Variants in HS6ST3 observed in about 807,000 individuals in gnomAD.
The protein encoded by HS6ST3 is heparan-sulfate 6-O-sulfotransferase 3.
HS6ST3 carries 12 observed loss-of-function variants against 36.7 expected under a neutral mutation model. The ratio of observed to expected loss-of-function variants is 0.33; its 90% confidence interval spans 0.21 to 0.53. The LOEUF is 0.53. Among genes scored for constraint, HS6ST3 ranks in the 20% least tolerant of loss-of-function variants. HS6ST3 has a pLI of 0.95. For synonymous variants in HS6ST3, 240 were observed against 257.5 expected, an observed-to-expected ratio of 0.93 and a Z score of 0.65; for missense variants, 584 against 640.9, an observed-to-expected ratio of 0.91 and a Z score of 0.96.
chr13:96,427,976 G>A (rs1013836334), intron 1 of HS6ST3, among the ~76,000 whole-genome samples: 1 of 152,126 alleles, frequency 6.6e-6, no homozygotes, highest in Non-Finnish European at 1.5e-5. Context: ...TAGAAGTAAT[G>A]TACCCTTTTC....
At chr13:96,774,710 G>A (rs1169000252) in intron 1 of HS6ST3, among the ~76,000 whole-genome samples, 2 of 152,196 alleles carry the variant, frequency 1.3e-5, no homozygotes, top group South Asian at 2.1e-4. Flanking sequence ...GTTTGATTGG[G>A]GTACCTGAAA....
At chr13:96,480,800 C>T (rs2055886861) in intron 1 of HS6ST3, among the ~76,000 whole-genome samples, 1 of 152,156 alleles carries the variant, frequency 6.6e-6, no homozygotes, top group Non-Finnish European at 1.5e-5. Flanking sequence ...CCCCAGCAAT[C>T]CACAGTCTTT....
intron 1 of HS6ST3, among the ~76,000 whole-genome samples, chr13:96,652,822 G>T (rs1274653445): frequency 6.6e-6 from 1 of 151,990 alleles, no homozygotes; most frequent in African/African-American, 2.4e-5. Context: ...AACTTAAAAA[G>T]GTGGTGCTGG....
chr13:96,571,672 C>T (rs2056301525), intron 1 of HS6ST3, among the ~76,000 whole-genome samples: 1 of 152,256 alleles, frequency 6.6e-6, no homozygotes, highest in Non-Finnish European at 1.5e-5. Flanking sequence ...GAGTCTAGGT[C>T]TTAGTCATGT....
chr13:96,488,934 C>A (rs191061733), intron 1 of HS6ST3, among the ~76,000 whole-genome samples: 1 of 151,674 alleles, frequency 6.6e-6, no homozygotes, highest in East Asian at 1.9e-4. Context: ...AAAAAATTGT[C>A]AAGAATGTAC....
At chr13:96,137,130 GC>G (rs770770478) in intron 1 of HS6ST3, among the ~76,000 whole-genome samples, 30 of 151,678 alleles carry the variant, frequency 2.0e-4, no homozygotes, top group Admixed American at 5.3e-4. Flanking sequence ...GTTCTTTCAT[GC>G]CCCCTTTTAA....
At chr13:96,159,493 C>T (rs968221275) in intron 1 of HS6ST3, among the ~76,000 whole-genome samples, 4 of 152,116 alleles carry the variant, frequency 2.6e-5, no homozygotes, top group Non-Finnish European at 4.4e-5. Flanking sequence ...GAGAGAATTC[C>T]GGGTCACATC....
chr13:96,727,037 T>C (rs1192224131), intron 1 of HS6ST3, among the ~76,000 whole-genome samples: 3 of 152,346 alleles, frequency 2.0e-5, no homozygotes, highest in East Asian at 1.9e-4. Context: ...TTAAGTTTTA[T>C]ACCCACTTCT....
chr13:96,197,003 C>G (rs1305707635), intron 1 of HS6ST3, among the ~76,000 whole-genome samples: 1 of 152,204 alleles, frequency 6.6e-6, no homozygotes, highest in East Asian at 1.9e-4. Flanking sequence ...CATTCTTTCT[C>G]TGTGTGACCT....
At chr13:96,239,928 G>T (rs1566298210) in intron 1 of HS6ST3, among the ~76,000 whole-genome samples, 1 of 152,106 alleles carries the variant, frequency 6.6e-6, no homozygotes, top group African/African-American at 2.4e-5. Context: ...TAATGCAATA[G>T]AAAAGCAAAC....
chr13:96,474,463 C>T (rs1295305326), intron 1 of HS6ST3, among the ~76,000 whole-genome samples: 1 of 152,200 alleles, frequency 6.6e-6, no homozygotes, highest in African/African-American at 2.4e-5. Flanking sequence ...CCTGGGAAGA[C>T]AGCAGTGCTA....
At position 96,254,495 on chromosome 13, in the gene HS6ST3, AT is replaced by A. The variant is rs2054626966; in HGVS notation, c.707+162927del. Among the ~76,000 whole-genome samples, 3 of 27,256 alleles carry A rather than the reference AT, an allele frequency of 1.1e-4. 1 individual carries two copies. Among genetic ancestry groups the A allele is most frequent in the Non-Finnish European group, 1.6e-4 (2 of 12,808 alleles). 17.9% of individuals were successfully genotyped at this position (27,256 alleles called of 152,430 possible). A position where few individuals can be genotyped will look rare whatever the true frequency, so the allele number is the denominator to read the frequency against. On this transcript the variant is annotated intron_variant, in intron 1 of 1. Coordinates refer to ENST00000376705, the MANE Select transcript of HS6ST3 (RefSeq NM_153456.4). ...TATATATATATATATATATATATAT[AT>A]ATACACATACATACACACACACACT... is the stretch of plus-strand genomic sequence containing the variant.
chr13:96,209,160 G>A (rs1231688646), intron 1 of HS6ST3, among the ~76,000 whole-genome samples: 1 of 152,192 alleles, frequency 6.6e-6, no homozygotes, highest in Non-Finnish European at 1.5e-5. Flanking sequence ...TAATATAGAT[G>A]GAAAGATGGA....
chr13:96,357,705 G>T (rs1056569771), intron 1 of HS6ST3, among the ~76,000 whole-genome samples: 2 of 152,068 alleles, frequency 1.3e-5, no homozygotes, highest in Admixed American at 1.3e-4. Flanking sequence ...TGGGACTACA[G>T]GTTACAGGTT....
chr13:96,410,559 C>T (rs944482270), intron 1 of HS6ST3, among the ~76,000 whole-genome samples: 1 of 151,738 alleles, frequency 6.6e-6, no homozygotes, highest in Non-Finnish European at 1.5e-5. Context: ...GTGCTACCCC[C>T]AAGAGTGAAA....
chr13:96,263,214 A>G (rs2054675010), intron 1 of HS6ST3, among the ~76,000 whole-genome samples: 1 of 151,168 alleles, frequency 6.6e-6, no homozygotes, highest in African/African-American at 2.4e-5. Context: ...GTGACATGTC[A>G]CTTATCTTTA....
chr13:96,095,863 GGTGTGTGTGTGT>G lies in HS6ST3; in HGVS notation c.707+4323_707+4334del, dbSNP rs141939376. Among the ~76,000 whole-genome samples, 28 of 140,404 alleles carry G rather than the reference GGTGTGTGTGTGT, an allele frequency of 2.0e-4. 1 individual carries two copies. Among genetic ancestry groups the G allele is most frequent in the South Asian group, 1.2e-3 (5 of 4,152 alleles). The allele number at this position is 140,404 out of a possible 152,430, so 92.1% of individuals were successfully genotyped here. On this transcript the variant is annotated intron_variant, in intron 1 of 1. Coordinates refer to ENST00000376705, the MANE Select transcript of HS6ST3 (RefSeq NM_153456.4). ...GTATCACAGAACCATTTATATGACT[GGTGTGTGTGTGT>G]GTGTGTGTGTGTGTGTGTGTGTGTG...
At chr13:96,533,271 A>G (rs2056142750) in intron 1 of HS6ST3, among the ~76,000 whole-genome samples, 1 of 152,184 alleles carries the variant, frequency 6.6e-6, no homozygotes, top group Non-Finnish European at 1.5e-5. Flanking sequence ...CCCTCCTAAG[A>G]AAAACCCCTG....
chr13:96,676,229 G>A (rs1273128228), intron 1 of HS6ST3, among the ~76,000 whole-genome samples: 1 of 152,170 alleles, frequency 6.6e-6, no homozygotes, highest in East Asian at 1.9e-4. Context: ...CTCTCTCCTT[G>A]GTGTGTAGAT....
Sources: gnomAD v4.1 joint callset for allele counts (sites outside exome capture counted in the v4.1 genomes callset) on GRCh38, gnomAD v4.1.1 for gene constraint, MANE v1.5 for transcripts, NCBI Gene and HGNC (gene_info 2026-07-23, HGNC 2026-07-21) for gene names.